HPSE2: variants seen among roughly 807,000 people sequenced by gnomAD.
The protein encoded by HPSE2 is heparanase 2 (inactive).
In HPSE2, 38 loss-of-function variants were observed where a neutral mutation model predicts 60.5. The ratio of observed to expected loss-of-function variants is 0.63; its 90% CI spans 0.48 to 0.82. The LOEUF (loss-of-function observed/expected upper bound fraction) is 0.82. HPSE2 is among the 40% of genes least tolerant of loss of function. The pLI is 0.00. For synonymous variants in HPSE2, 295 were observed against 293.2 expected, an observed-to-expected ratio of 1.01 and a Z score of -0.06; for missense variants, 713 against 740.4, an observed-to-expected ratio of 0.96 and a Z score of 0.43.
chr10:98,628,634 C>T (rs1301344642), intron 7 of HPSE2, among the ~76,000 whole-genome samples: 1 of 152,108 alleles, frequency 6.6e-6, no homozygotes, highest in East Asian at 1.9e-4. Flanking sequence ...GACTTCAATC[C>T]TTGGGTGCAT....
chr10:99,104,319 G>A (rs916509019), intron 3 of HPSE2, among the ~76,000 whole-genome samples: 1 of 152,008 alleles, frequency 6.6e-6, no homozygotes, highest in African/African-American at 2.4e-5. Flanking sequence ...CAACAAGTGG[G>A]TGAAGGATAT....
chr10:99,065,611 A>G (rs927627452), intron 3 of HPSE2, among the ~76,000 whole-genome samples: 6 of 152,354 alleles, frequency 3.9e-5, no homozygotes, highest in Middle Eastern at 3.4e-3. Context: ...AAATTGTAAT[A>G]ATCACTATGA....
intron 6 of HPSE2, among the ~76,000 whole-genome samples, chr10:98,652,577 C>T (rs1451916494): frequency 6.6e-6 from 1 of 152,212 alleles, no homozygotes; most frequent in Non-Finnish European, 1.5e-5. Context: ...CTAGCACCTA[C>T]TCCAAATCCC....
At chr10:98,740,195 AGACAGGG>A in intron 4 of HPSE2, among the ~76,000 whole-genome samples, 1 of 106,022 alleles carries the variant, frequency 9.4e-6, no homozygotes, top group Middle Eastern at 5.9e-3. Flanking sequence ...TTTTTTTTTG[AGACAGGG>A]TCTCACCATG....
chr10:98,998,412 T>C (rs1441349970), intron 3 of HPSE2, among the ~76,000 whole-genome samples: 1 of 152,214 alleles, frequency 6.6e-6, no homozygotes, highest in African/African-American at 2.4e-5. Flanking sequence ...GAATTCTAGA[T>C]GTAGAAGAGA....
At chr10:99,014,234 A>T (rs2135408694) in intron 3 of HPSE2, among the ~76,000 whole-genome samples, 1 of 152,292 alleles carries the variant, frequency 6.6e-6, no homozygotes, top group South Asian at 2.1e-4. Context: ...TTCATGTGTT[A>T]GTTTGCTAAG....
chr10:99,131,784 C>T (rs1845395488), intron 3 of HPSE2, among the ~76,000 whole-genome samples: 1 of 152,084 alleles, frequency 6.6e-6, no homozygotes, highest in Admixed American at 6.6e-5. Flanking sequence ...ACAGTGTACA[C>T]TGCTTGGGTG....
chr10:99,078,536 C>T (rs142216484), intron 3 of HPSE2, among the ~76,000 whole-genome samples: 27 of 152,050 alleles, frequency 1.8e-4, no homozygotes, highest in Middle Eastern at 3.4e-3. Flanking sequence ...AATACAGATG[C>T]ATTTTTTTTT....
intron 3 of HPSE2, among the ~76,000 whole-genome samples, chr10:99,002,469 T>C (rs973571353): frequency 2.6e-5 from 4 of 152,102 alleles, no homozygotes; most frequent in South Asian, 2.1e-4. Context: ...ATAAGTCACA[T>C]TGATAGTGAC....
intron 2 of HPSE2, among the ~76,000 whole-genome samples, chr10:99,151,495 C>A (rs1846261044): frequency 1.3e-5 from 2 of 152,058 alleles, no homozygotes; most frequent in Admixed American, 1.3e-4. Flanking sequence ...TCAAGAAGTA[C>A]AACAAACCTC....
At chr10:99,134,362 T>C (rs1845561328) in intron 3 of HPSE2, among the ~76,000 whole-genome samples, 1 of 152,076 alleles carries the variant, frequency 6.6e-6, no homozygotes, top group Non-Finnish European at 1.5e-5. Context: ...AATCAGGAAA[T>C]GCAGAGAACA....
chr10:98,842,387 T>A (rs546433396), intron 3 of HPSE2, among the ~76,000 whole-genome samples: 4 of 152,310 alleles, frequency 2.6e-5, no homozygotes, highest in Admixed American at 2.6e-4. Context: ...CAAGTTACTA[T>A]TACAAGGGGG....
chr10:99,171,085 C>T (rs960165360), intron 2 of HPSE2, among the ~76,000 whole-genome samples: 28 of 152,156 alleles, frequency 1.8e-4, no homozygotes, highest in African/African-American at 6.8e-4. Context: ...TGCAACCAAT[C>T]CCCCACAAAT....
At chr10:99,042,949 G>A (rs148114320) in intron 3 of HPSE2, among the ~76,000 whole-genome samples, 2 of 152,250 alleles carry the variant, frequency 1.3e-5, no homozygotes, top group Non-Finnish European at 2.9e-5. Flanking sequence ...AAAATATTTT[G>A]CTAATATACA....
rs55879808 is a variant in HPSE2, at chr10:98,999,156, CGTGTGTGT to C, written c.610+145074_610+145081del. 2.6e-3 allele frequency among the ~76,000 whole-genome samples: 354 copies of C among 137,682 alleles called. 2 individuals are homozygous for C. The highest frequency in any genetic ancestry group is 8.6e-3 in the African/African-American group (329 of 38,058). 90.3% of individuals were successfully genotyped at this position (137,682 alleles called of 152,430 possible). A position where few individuals can be genotyped will look rare whatever the true frequency, so the allele number is the denominator to read the frequency against. ...GCACACTGCTAAGTGGTATAGACTA[CGTGTGTGT>C]GTGTGTGTGTGTGTGTGTGTGTGTG... On this transcript the variant is annotated intron_variant, in intron 3 of 11. Coordinates refer to ENST00000370552, the MANE Select transcript of HPSE2 (RefSeq NM_021828.5).
intron 9 of HPSE2, among the ~76,000 whole-genome samples, chr10:98,508,427 C>T (rs574352690): frequency 1.4e-4 from 21 of 152,246 alleles, no homozygotes; most frequent in Middle Eastern, 3.4e-3. Flanking sequence ...GACTCACTAC[C>T]GATTCCTATA....
chr10:99,229,655 T>G (rs183152607), intron 2 of HPSE2, among the ~76,000 whole-genome samples: 8 of 152,336 alleles, frequency 5.3e-5, no homozygotes, highest in Non-Finnish European at 7.3e-5. Context: ...AGGCATGCAG[T>G]GCAACCTTCC....
chr10:98,518,218 C>T (rs1942666320), intron 9 of HPSE2, among the ~76,000 whole-genome samples: 1 of 152,100 alleles, frequency 6.6e-6, no homozygotes. Context: ...GAGTGTCCAC[C>T]CATGGGTGAG....
intron 9 of HPSE2, among the ~76,000 whole-genome samples, chr10:98,600,050 A>G (rs965092325): frequency 3.3e-5 from 5 of 152,204 alleles, no homozygotes; most frequent in African/African-American, 1.2e-4. Flanking sequence ...TAATTAGCAC[A>G]TTTGCACCAG....
Sources: gnomAD v4.1 joint callset for allele counts (sites outside exome capture counted in the v4.1 genomes callset) on GRCh38, gnomAD v4.1.1 for gene constraint, MANE v1.5 for transcripts, NCBI Gene and HGNC (gene_info 2026-07-23, HGNC 2026-07-21) for gene names.